FAM135B: variants seen among roughly 807,000 people sequenced by gnomAD.
FAM135B encodes the protein protein FAM135B.
In FAM135B, 43 loss-of-function variants were observed where a neutral mutation model predicts 127.7. That is an observed-to-expected ratio of 0.34 (90% CI 0.26 to 0.43). FAM135B has a LOEUF of 0.43. Ranked by LOEUF, FAM135B falls within the 20% of genes least tolerant of loss-of-function variation. The probability of loss-of-function intolerance (pLI) is 1.00; values close to 1 mark genes in which losing one functional copy is unlikely to be tolerated. For synonymous variants in FAM135B, 670 were observed against 665.1 expected (o/e 1.01, Z -0.11); for missense variants, 1,558 against 1,725.6 (o/e 0.90, Z 1.72).
At chr8:138,133,680 AAG>A (rs1816384714) in intron 19 of FAM135B, among the ~76,000 whole-genome samples, 2 of 152,146 alleles carry the variant, frequency 1.3e-5, no homozygotes, top group African/African-American at 4.8e-5. Context: ...TGGATGATGA[AAG>A]AGAGCTTATT....
chr8:138,420,567 T>A (rs1041461640), intron 1 of FAM135B, among the ~76,000 whole-genome samples: 1 of 151,252 alleles, frequency 6.6e-6, no homozygotes, highest in Non-Finnish European at 1.5e-5. Flanking sequence ...AAGAAAACAG[T>A]CCACTATCCT....
chr8:138,225,741 G>A (rs1355072690), intron 7 of FAM135B, among the ~76,000 whole-genome samples: 2 of 152,166 alleles, frequency 1.3e-5, no homozygotes, highest in Non-Finnish European at 2.9e-5. Flanking sequence ...TAATAATTGG[G>A]TTAAACTTGA....
At chr8:138,327,780 T>A (rs1827897603) in intron 2 of FAM135B, among the ~76,000 whole-genome samples, 1 of 152,116 alleles carries the variant, frequency 6.6e-6, no homozygotes, top group African/African-American at 2.4e-5. Context: ...AGGAAACCCC[T>A]CAGGACTTCC....
intron 1 of FAM135B, among the ~76,000 whole-genome samples, chr8:138,477,662 A>G (rs1442455688): frequency 6.6e-6 from 1 of 152,216 alleles, no homozygotes; most frequent in Non-Finnish European, 1.5e-5. Context: ...GAATGGTGAT[A>G]TTAACTGACA....
intron 1 of FAM135B, among the ~76,000 whole-genome samples, chr8:138,445,947 T>G (rs1391824380): frequency 6.6e-6 from 1 of 152,114 alleles, no homozygotes; most frequent in Non-Finnish European, 1.5e-5. Flanking sequence ...ATAAGCAACT[T>G]CAGCAAAGTC....
intron 12 of FAM135B, among the ~76,000 whole-genome samples, chr8:138,157,004 T>C (rs115246078): frequency 0.19 from 28,525 of 152,112 alleles, 2,678 homozygotes; most frequent in East Asian, 0.24. Context: ...AAAAGAGAAT[T>C]TTAGACCAAT....
chr8:138,376,593 C>A (rs1188861607), intron 1 of FAM135B, among the ~76,000 whole-genome samples: 1 of 152,204 alleles, frequency 6.6e-6, no homozygotes, highest in African/African-American at 2.4e-5. Context: ...AGGCACAATG[C>A]TTTATCCTCC....
In FAM135B at chr8:138,132,254, T is replaced by C; in HGVS notation, c.*339A>G. 7.4e-6 allele frequency: 2 copies of C among 271,730 alleles called. No homozygotes were observed. Among genetic ancestry groups the C allele is most frequent in the Non-Finnish European group, 1.4e-5 (2 of 140,628 alleles). The allele number at this position is 271,730 out of a possible 1,614,324, so 16.8% of individuals were successfully genotyped here. On this transcript the variant is annotated 3_prime_UTR_variant, in exon 20 of 20. Coordinates refer to ENST00000395297, the MANE Select transcript of FAM135B (RefSeq NM_015912.4). This position sits in a 1 kb window ranked among gnomAD's most constrained non-coding sequence, Gnocchi z 4.5. Reference sequence around the variant, plus strand: ...AACATATTCGGCAAGTCTAGTTAAATTGGAGTAATCTCTCAGTAAGCCAGT... The same window carrying C: ...AACATATTCGGCAAGTCTAGTTAAACTGGAGTAATCTCTCAGTAAGCCAGT...
intron 2 of FAM135B, among the ~76,000 whole-genome samples, chr8:138,337,361 A>G (rs1446294494): frequency 6.6e-6 from 1 of 152,152 alleles, no homozygotes; most frequent in East Asian, 1.9e-4. Flanking sequence ...AGAAAACCCC[A>G]CTGTCTCAGC....
At chr8:138,348,127 CTTTTTTT>C (rs58289442) in intron 2 of FAM135B, among the ~76,000 whole-genome samples, 24 of 52,842 alleles carry the variant, frequency 4.5e-4, no homozygotes, top group Non-Finnish European at 6.3e-4. Flanking sequence ...TTTTCCTCCT[CTTTTTTT>C]TTTTTTTTTT....
intron 1 of FAM135B, among the ~76,000 whole-genome samples, chr8:138,489,354 T>A (rs562981510): frequency 1.3e-5 from 2 of 152,274 alleles, no homozygotes; most frequent in South Asian, 4.1e-4. Flanking sequence ...ACCCTGTATG[T>A]CAAGATTCTA....
intron 2 of FAM135B, among the ~76,000 whole-genome samples, chr8:138,364,265 G>A (rs757897554): frequency 2.0e-4 from 30 of 152,114 alleles, no homozygotes; most frequent in African/African-American, 5.6e-4. Context: ...GAACACCCCC[G>A]GCAAATGCAG....
chr8:138,334,800 GC>G (rs1020949864), intron 2 of FAM135B, among the ~76,000 whole-genome samples: 1 of 152,064 alleles, frequency 6.6e-6, no homozygotes, highest in African/African-American at 2.4e-5. Flanking sequence ...CCATTGATGG[GC>G]ATTTAGGTTG....
chr8:138,361,148 G>A lies in FAM135B; in HGVS notation c.77+6759C>T, dbSNP rs557058306. Among the ~76,000 whole-genome samples the A allele has an allele frequency of 3.9e-5, 6 of 152,032 alleles. No homozygotes were observed. The South Asian group carries it at 1.0e-3, about 26-fold the overall frequency. On this transcript the variant is annotated intron_variant, in intron 2 of 19. Transcript: ENST00000395297. ...TCACCATGTTGGCCAGACTTGTCTC[G>A]AACTCCTGACCTCAGGCAATCCACC...
At chr8:138,203,510 C>T (rs757468103) in intron 7 of FAM135B, among the ~76,000 whole-genome samples, 49 of 152,162 alleles carry the variant, frequency 3.2e-4, no homozygotes, top group Non-Finnish European at 5.7e-4. Flanking sequence ...ATCCATCTAA[C>T]GTGTCTTGCT....
chr8:138,233,829 CAAAT>C (rs1334556870), intron 7 of FAM135B, among the ~76,000 whole-genome samples: 2 of 151,874 alleles, frequency 1.3e-5, no homozygotes, highest in African/African-American at 2.4e-5. Flanking sequence ...ACAACAACAA[CAAAT>C]AAATAAATAA....
chr8:138,443,033 G>T (rs1835897049), intron 1 of FAM135B, among the ~76,000 whole-genome samples: 1 of 152,044 alleles, frequency 6.6e-6, no homozygotes, highest in Admixed American at 6.6e-5. Context: ...TGATGAGTCA[G>T]GACTCACCCA....
At chr8:138,313,884 A>G (rs1213978912) in intron 2 of FAM135B, among the ~76,000 whole-genome samples, 1 of 151,078 alleles carries the variant, frequency 6.6e-6, no homozygotes, top group Non-Finnish European at 1.5e-5. Context: ...AGACATGAAC[A>G]CAGTGGTAAA....
chr8:138,403,118 A>G (rs568238346), intron 1 of FAM135B, among the ~76,000 whole-genome samples: 3 of 152,306 alleles, frequency 2.0e-5, no homozygotes, highest in Admixed American at 1.3e-4. Context: ...CATCCTGTCT[A>G]TGGTATTTGT....
Sources: allele counts gnomAD v4.1 joint callset (sites outside exome capture counted in the v4.1 genomes callset), GRCh38; gene constraint gnomAD v4.1.1; non-coding constraint Gnocchi (gnomAD v3.1); transcripts MANE v1.5; gene names NCBI Gene and HGNC (gene_info 2026-07-23, HGNC 2026-07-21).